The following SLC44A1 variants were observed in gnomAD, a reference collection of about 807,000 sequenced individuals.
SLC44A1 encodes choline transporter-like protein 1.
SLC44A1 carries 26 observed loss-of-function variants against 79.3 expected under a neutral mutation model. The observed-to-expected ratio is 0.33, with a 90% CI of 0.24 to 0.46. SLC44A1 has a LOEUF of 0.46. Among genes scored for constraint, SLC44A1 ranks in the 20% least tolerant of loss-of-function variants. The pLI is 1.00. For synonymous variants in SLC44A1, 263 were observed against 286.2 expected, an observed-to-expected ratio of 0.92 and a Z score of 0.82; for missense variants, 688 against 798.1, an observed-to-expected ratio of 0.86 and a Z score of 1.66.
intron 5 of SLC44A1, among the ~76,000 whole-genome samples, chr9:105,351,908 T>C (rs1827459868): frequency 6.6e-6 from 1 of 152,182 alleles, no homozygotes; most frequent in African/African-American, 2.4e-5. Context: ...AATTGGAATT[T>C]GAATCCAGGA....
intron 12 of SLC44A1, among the ~76,000 whole-genome samples, chr9:105,368,549 A>G (rs367864916): frequency 1.3e-5 from 2 of 152,190 alleles, no homozygotes; most frequent in South Asian, 2.1e-4. Flanking sequence ...AGGTGGAAGA[A>G]GTTTTCAAAT....
chr9:105,344,967 A>T (rs1827204894), intron 4 of SLC44A1, among the ~76,000 whole-genome samples: 2 of 152,202 alleles, frequency 1.3e-5, no homozygotes, highest in African/African-American at 4.8e-5. Flanking sequence ...CAGAGGGAAC[A>T]GCATGTGTGA....
In SLC44A1 at chr9:105,365,468, T is replaced by G; in HGVS notation, c.1254-15T>G. ...GGCTTTGTTTTAATTGTCTTTTTGG[T>G]CATTTTTTAAATAGGGATAAAAGGA... On this transcript the variant is annotated splice_polypyrimidine_tract_variant and intron_variant, in intron 10 of 15. Coordinates refer to ENST00000374720, the MANE Select transcript of SLC44A1 (RefSeq NM_080546.5). The G allele has an allele frequency of 6.2e-7, 1 of 1,604,660 alleles. No individual in the cohort carries two copies.
intron 1 of SLC44A1, chr9:105,294,797 A>G (rs888883712): frequency 1.3e-5 from 2 of 149,958 alleles, no homozygotes; most frequent in African/African-American, 4.9e-5. Context: ...TTTCAATTAC[A>G]TGTATGTCAT....
At position 105,389,028 on chromosome 9, in the gene SLC44A1, T is replaced by A; in HGVS notation, c.1951-5T>A. 6.2e-7 allele frequency: 1 copy of A among 1,611,996 alleles called. No individual in the cohort carries two copies. Among genetic ancestry groups the A allele is most frequent in the Non-Finnish European group, 8.5e-7 (1 of 1,178,168 alleles). ...GATTATACTCTGTATGACTTTGTTT[T>A]CTAGGCTTCGGGAGCAAGTTCTGCT... On this transcript the variant is annotated splice_polypyrimidine_tract_variant and splice_region_variant and intron_variant, in intron 15 of 15. Transcript: ENST00000374720.
intron 1 of SLC44A1, among the ~76,000 whole-genome samples, chr9:105,274,702 G>A (rs1031784154): frequency 1.1e-4 from 17 of 152,168 alleles, no homozygotes; most frequent in Admixed American, 2.6e-4. Context: ...GTAAATAACA[G>A]TAACACAACT....
At chr9:105,406,374 G>A (rs913746387) in intron 15 of SLC44A1, among the ~76,000 whole-genome samples, 3 of 152,170 alleles carry the variant, frequency 2.0e-5, no homozygotes, top group African/African-American at 7.2e-5. Context: ...TATGCAAAAT[G>A]TCCAGTTTTC....
At chr9:105,258,097 T>A (rs1829753515) in intron 1 of SLC44A1, among the ~76,000 whole-genome samples, 1 of 152,188 alleles carries the variant, frequency 6.6e-6, no homozygotes, top group Non-Finnish European at 1.5e-5. Context: ...CCTGACTTAA[T>A]CTGGATATGT....
chr9:105,384,083 A>C (rs1386720605), intron 14 of SLC44A1, among the ~76,000 whole-genome samples: 41 of 152,226 alleles, frequency 2.7e-4, no homozygotes, highest in Non-Finnish European at 2.9e-5. Context: ...AAAATGGGTA[A>C]TATTGAATAC....
At chr9:105,433,414 T>A (rs1025035365) in intron 15 of SLC44A1, among the ~76,000 whole-genome samples, 1 of 152,152 alleles carries the variant, frequency 6.6e-6, no homozygotes, top group African/African-American at 2.4e-5. Flanking sequence ...GGATAGAGCA[T>A]ATGAAATGAT....
In SLC44A1 at chr9:105,245,590, C is replaced by A. The variant is rs948759598; in HGVS notation, c.36+686C>A. 1.6e-4 allele frequency among the ~76,000 whole-genome samples: 24 copies of A among 152,218 alleles called. 1 individual carries two copies. The highest frequency in any genetic ancestry group is 5.5e-4 in the African/African-American group (23 of 41,460). On this transcript the variant is annotated intron_variant, in intron 1 of 15. Transcript: ENST00000374720. ...TCGGAGGCCCCTGCGGGAGCGCCGA[C>A]TCTGGGCTGGGAAGGAGATTGGGCA...
intron 15 of SLC44A1, among the ~76,000 whole-genome samples, chr9:105,422,332 A>G (rs1829263904): frequency 8.0e-6 from 1 of 124,530 alleles, no homozygotes; most frequent in Admixed American, 1.1e-4. Context: ...CTCTGTAGCC[A>G]GGCTGGAGTG....
intron 1 of SLC44A1, among the ~76,000 whole-genome samples, chr9:105,291,307 G>A (rs1180290110): frequency 6.6e-6 from 1 of 152,206 alleles, no homozygotes; most frequent in African/African-American, 2.4e-5. Flanking sequence ...CTTTAATACT[G>A]GAGGTTTCTG....
chr9:105,340,604 T>G (rs894539722), intron 4 of SLC44A1, among the ~76,000 whole-genome samples: 1 of 152,238 alleles, frequency 6.6e-6, no homozygotes, highest in African/African-American at 2.4e-5. Flanking sequence ...AGTAACAGTT[T>G]AAGTGCTAAT....
intron 4 of SLC44A1, 28 bp downstream of exon 4, chr9:105,335,727 G>C (rs752906269): frequency 6.2e-7 from 1 of 1,601,366 alleles, no homozygotes; most frequent in Non-Finnish European, 8.5e-7. Context: ...CCAAATCTAT[G>C]TCCTGTCACC....
intron 2 of SLC44A1, among the ~76,000 whole-genome samples, chr9:105,309,206 C>A (rs139361519): frequency 4.0e-4 from 61 of 152,208 alleles, no homozygotes; most frequent in African/African-American, 1.4e-3. Flanking sequence ...GAATTTTTTT[C>A]TTTCATCCTT....
At chr9:105,351,325 A>C (rs1295755955) in intron 5 of SLC44A1, among the ~76,000 whole-genome samples, 1 of 152,048 alleles carries the variant, frequency 6.6e-6, no homozygotes, top group Non-Finnish European at 1.5e-5. Flanking sequence ...CTCGAGGCCA[A>C]GAGTTTGAGA....
intron 15 of SLC44A1, among the ~76,000 whole-genome samples, chr9:105,422,283 T>G (rs1278195989): frequency 1.6e-4 from 19 of 119,720 alleles, no homozygotes; most frequent in African/African-American, 7.9e-4. Context: ...GCTCCATCCT[T>G]TTTTTTTTTT....
chr9:105,383,266 G>A lies in SLC44A1; in HGVS notation c.1776G>A (p.Met592Ile). The A allele has an allele frequency of 1.2e-6, 2 of 1,613,764 alleles. No individual in the cohort carries two copies. The highest frequency in any genetic ancestry group is 1.7e-5 in the Admixed American group (1 of 60,018). The stretch of plus-strand genomic sequence containing the variant: ...ATTGCTTCCTGTCTATTTATGAAAT[G>A]GTAGTGGATGTATTATTCTTGTGTT... ...VAHCFLSIYE[M>I]VVDVLFLCFA... The change falls in exon 14 of 16, where the codon ATG (methionine) becomes ATA (isoleucine). Residue 592 changes from methionine (M) to isoleucine (I), a missense_variant. Met to Ile is a conservative substitution (Grantham distance 10). Transcript: ENST00000374720.
Sources: gnomAD v4.1 joint callset for allele counts (sites outside exome capture counted in the v4.1 genomes callset) on GRCh38, gnomAD v4.1.1 for gene constraint, MANE v1.5 for transcripts, NCBI Gene and HGNC (gene_info 2026-07-23, HGNC 2026-07-21) for gene names.